The following SAMD8 variants were observed in gnomAD, a reference collection of about 807,000 sequenced individuals.
SAMD8 encodes the protein sphingomyelin synthase-related protein 1.
Under a neutral mutation model 42.0 loss-of-function variants are expected in SAMD8, and 20 were observed. The observed-to-expected ratio is 0.48, with a 90% confidence interval of 0.34 to 0.69. SAMD8 has a LOEUF of 0.69. SAMD8 is among the 30% of genes least tolerant of loss of function. The pLI, the probability that SAMD8 is intolerant of heterozygous loss-of-function variation, is 0.01. For missense variants in SAMD8, 328 were observed against 511.6 expected (o/e 0.64, Z 3.46); for synonymous variants, 162 against 173.0 (o/e 0.94, Z 0.50).
intron 1 of SAMD8, chr10:75,105,650 T>A: frequency 6.5e-7 from 1 of 1,546,866 alleles, no homozygotes; most frequent in Non-Finnish European, 8.7e-7. Flanking sequence ...CTTTGCCCCC[T>A]GAGGCCTCAC....
At chr10:75,129,138 A>ATT (rs144016245) in intron 1 of SAMD8, among the ~76,000 whole-genome samples, 60 of 146,134 alleles carry the variant, frequency 4.1e-4, no homozygotes, top group Middle Eastern at 3.5e-3. Context: ...TCTTCTTCTT[A>ATT]TTTTTTTTTT....
At chr10:75,121,783 C>A (rs1228258105) in intron 1 of SAMD8, among the ~76,000 whole-genome samples, 1 of 152,060 alleles carries the variant, frequency 6.6e-6, no homozygotes, top group African/African-American at 2.4e-5. Flanking sequence ...CCTCTGCCTC[C>A]CAGGTTCAAG....
At chr10:75,101,194 T>A (rs1327046414) in intron 1 of SAMD8, among the ~76,000 whole-genome samples, 3 of 152,074 alleles carry the variant, frequency 2.0e-5, no homozygotes, top group Non-Finnish European at 4.4e-5. Flanking sequence ...TGGGTAGAAA[T>A]CTCAGGTCTG....
At position 75,141,538 on chromosome 10, in the gene SAMD8, CTTTTTTT is replaced by C. The variant is rs60925019; in HGVS notation, c.-15-8965_-15-8959del. 1.8e-4 allele frequency among the ~76,000 whole-genome samples: 24 copies of C among 134,800 alleles called. 1 individual carries two copies. The South Asian group carries it at 5.4e-3, about 30-fold the overall frequency. The allele number at this position is 134,800 out of a possible 152,430, so 88.4% of individuals were successfully genotyped here. On this transcript the variant is annotated intron_variant, in intron 1 of 5. Coordinates refer to ENST00000542569, the MANE Select transcript of SAMD8 (RefSeq NM_001174156.2). ...TCCTTTTTAATCTGTATGCCTTTTA[CTTTTTTT>C]TTTTTTTTTTCCTCGAGATGGAGTC...
At chr10:75,101,912 T>C (rs776617315) in intron 1 of SAMD8, 2 of 1,367,654 alleles carry the variant, frequency 1.5e-6, no homozygotes, top group South Asian at 2.3e-5. Flanking sequence ...TGACGGGCAG[T>C]TCGTGCTGCT....
chr10:75,100,469 A>T (rs1453353616), intron 1 of SAMD8, among the ~76,000 whole-genome samples: 1 of 152,122 alleles, frequency 6.6e-6, no homozygotes, highest in African/African-American at 2.4e-5. Flanking sequence ...AAGGAGGGGA[A>T]GTCGGTGGTT....
At chr10:75,162,633 G>A (rs796830991) in intron 2 of SAMD8, among the ~76,000 whole-genome samples, 18 of 132,034 alleles carry the variant, frequency 1.4e-4, no homozygotes, top group African/African-American at 5.3e-4. Context: ...TGGGGAACAC[G>A]AGTGAAACTC....
Position 75,111,724 on chromosome 10 carries a change from T to TGAGCGGGAGCTGAGGC in SAMD8, c.-16+3_-16+18dup. 1 of 1,233,504 alleles carries TGAGCGGGAGCTGAGGC rather than the reference T, an allele frequency of 8.1e-7. No individual in the cohort carries two copies. Among genetic ancestry groups the TGAGCGGGAGCTGAGGC allele is most frequent in the Non-Finnish European group, 1.0e-6 (1 of 988,774 alleles). The allele number at this position is 1,233,504 out of a possible 1,614,324, so 76.4% of individuals were successfully genotyped here. A position where few individuals can be genotyped will look rare whatever the true frequency, so the allele number is the denominator to read the frequency against. The stretch of plus-strand genomic sequence containing the variant: ...GGGAGCCCGACTCGGACCGCGGAGG[T>TGAGCGGGAGCTGAGGC]GAGCGGGAGCTGAGGCTGAGGAGAG... On this transcript the variant is annotated splice_region_variant and intron_variant, in intron 1 of 5. Coordinates refer to ENST00000542569, the MANE Select transcript of SAMD8 (RefSeq NM_001174156.2).
At chr10:75,103,182 G>A (rs1848284791) in intron 1 of SAMD8, among the ~76,000 whole-genome samples, 1 of 152,200 alleles carries the variant, frequency 6.6e-6, no homozygotes, top group African/African-American at 2.4e-5. Flanking sequence ...ATGTTCTGTG[G>A]AGGAGGACAG....
At position 75,181,172 on chromosome 10, in the gene SAMD8, C is replaced by T. The variant is rs917949389; in HGVS notation, c.*4480C>T. 3 of 152,158 alleles carry T rather than the reference C, an allele frequency of 2.0e-5. No homozygotes were observed. The highest frequency in any genetic ancestry group is 7.2e-5 in the African/African-American group (3 of 41,446). The allele number at this position is 152,158 out of a possible 1,614,324, so 9.4% of individuals were successfully genotyped here. ...TTAAACAGTACTGGTTTCATTTAGA[C>T]AGTTTCTAAGCCAGCAAAGGTGTCA... On this transcript the variant is annotated 3_prime_UTR_variant, in exon 6 of 6. Transcript: ENST00000542569.
At chr10:75,111,583 A>C (rs1363489852), upstream of SAMD8, 12 of 1,248,022 alleles carry the variant, frequency 9.6e-6, no homozygotes, top group Non-Finnish European at 1.2e-5. Flanking sequence ...CCCCGCCTCC[A>C]CTCCGGCTCC....
At chr10:75,164,386 C>CT (rs201084641) in intron 2 of SAMD8, 50,422 of 269,074 alleles carry the variant, frequency 0.19, 2,815 homozygotes, top group East Asian at 0.25. Context: ...GTTGCCACTT[C>CT]TTTTTTTTTT....
chr10:75,135,146 A>G (rs188967583), intron 1 of SAMD8, among the ~76,000 whole-genome samples: 2 of 152,168 alleles, frequency 1.3e-5, no homozygotes, highest in East Asian at 3.9e-4. Context: ...CATACAGTGT[A>G]TACATGTATT....
chr10:75,150,333 A>G, intron 1 of SAMD8, 181 bp from the exon 2 acceptor site: 1 of 393,604 alleles, frequency 2.5e-6, no homozygotes, highest in South Asian at 1.1e-4. Context: ...GTGGCCCAGG[A>G]CTGGTCTCGA....
At chr10:75,099,704 T>C (rs1018122426) in exon 1 of SAMD8, 5 of 393,230 alleles carry the variant, frequency 1.3e-5, no homozygotes, top group Admixed American at 5.0e-5. Context: ...TAAACCTCCA[T>C]GAAGATGGGA....
intron 1 of SAMD8, among the ~76,000 whole-genome samples, chr10:75,115,940 CAAAAAAAA>C (rs35416435): frequency 1.5e-5 from 1 of 68,872 alleles, no homozygotes; most frequent in Non-Finnish European, 3.0e-5. Context: ...GACTCCGTCT[CAAAAAAAA>C]AAAAAAAAAA....
chr10:75,124,789 C>G (rs1182201971), intron 1 of SAMD8, among the ~76,000 whole-genome samples: 1 of 149,374 alleles, frequency 6.7e-6, no homozygotes, highest in Non-Finnish European at 1.5e-5. Flanking sequence ...ACTCTTAAGA[C>G]AATTTTTCTT....
rs762586553 is a variant in SAMD8, at chr10:75,176,183, G to A, written c.910G>A (p.Val304Ile). ...TTACATGTTTAGTGGCCACACAGTCGTCCTAACTATGCTGAATTTCTTTGT... is the reference window on the plus strand; with the variant it reads ...TTACATGTTTAGTGGCCACACAGTCATCCTAACTATGCTGAATTTCTTTGT... ...GDYMFSGHTV[V>I]LTMLNFFVTE... Residue 304 changes from valine (V) to isoleucine (I), a missense_variant, in exon 5 of 6, where the codon GTC becomes ATC. Around this residue, in one of 2 missense-constraint regions of SAMD8, gnomAD observed 178 missense variants for 325.6 expected, o/e 0.55. Transcript: ENST00000542569. This position sits in a 1 kb window ranked among gnomAD's most constrained non-coding sequence, Gnocchi z 4.3. 28 of 1,614,168 alleles carry A rather than the reference G, an allele frequency of 1.7e-5. No homozygotes were observed. Among genetic ancestry groups the A allele is most frequent in the Middle Eastern group, 1.7e-4 (1 of 6,060 alleles).
At chr10:75,165,995 A>AG (rs1589974284) in intron 3 of SAMD8, among the ~76,000 whole-genome samples, 5 of 151,794 alleles carry the variant, frequency 3.3e-5, no homozygotes, top group Admixed American at 3.3e-4. Context: ...AAAAAAAAAA[A>AG]AAAGAAAGAT....
Sources: gnomAD v4.1 joint callset for allele counts (sites outside exome capture counted in the v4.1 genomes callset) on GRCh38, gnomAD v4.1.1 for gene constraint, gnomAD v4.1.1 regional missense constraint, Gnocchi (gnomAD v3.1) non-coding constraint, MANE v1.5 for transcripts, NCBI Gene and HGNC (gene_info 2026-07-23, HGNC 2026-07-21) for gene names.